The following C19orf38 variants were observed in gnomAD, a reference collection of about 807,000 sequenced individuals.
The protein encoded by C19orf38 is chromosome 19 open reading frame 38.
Under a neutral mutation model 26.6 loss-of-function variants are expected in C19orf38, and 14 were observed. That is an observed-to-expected ratio of 0.53 (90% CI 0.35 to 0.82). The LOEUF (loss-of-function observed/expected upper bound fraction) is 0.82. Ranked by LOEUF, C19orf38 falls within the 40% of genes least tolerant of loss-of-function variation. The pLI, the probability that C19orf38 is intolerant of heterozygous loss-of-function variation, is 0.01. For synonymous variants in C19orf38, 132 were observed against 128.5 expected (o/e 1.03, Z -0.18); for missense variants, 261 against 299.5 (o/e 0.87, Z 0.95).
At chr19:10,844,993 C>CAAAAA (rs57500129), upstream of C19orf38, among the ~76,000 whole-genome samples, 12 of 95,828 alleles carry the variant, frequency 1.3e-4, no homozygotes, top group East Asian at 2.9e-4. Flanking sequence ...CCTTTCTCTA[C>CAAAAA]AAAAAAAAAA....
At chr19:10,853,486 A>G (rs573237468) in intron 2 of C19orf38, among the ~76,000 whole-genome samples, 11 of 149,488 alleles carry the variant, frequency 7.4e-5, no homozygotes, top group South Asian at 2.1e-4. Flanking sequence ...GGGTTTCACA[A>G]TGCTGGCCAG....
upstream of C19orf38, among the ~76,000 whole-genome samples, chr19:10,847,404 A>C (rs2073526705): frequency 8.3e-6 from 1 of 119,970 alleles, no homozygotes. Context: ...ATGGAATTTC[A>C]CTCTTGTTGC....
chr19:10,847,501 G>A (rs971542992), upstream of C19orf38, among the ~76,000 whole-genome samples: 4 of 151,360 alleles, frequency 2.6e-5, no homozygotes, highest in Admixed American at 1.3e-4. Flanking sequence ...AGCCTCCCGA[G>A]TAGCTGGGAT....
chr19:10,864,595 G>A (rs2073734421), intron 6 of C19orf38, among the ~76,000 whole-genome samples: 1 of 152,182 alleles, frequency 6.6e-6, no homozygotes, highest in Non-Finnish European at 1.5e-5. Context: ...GCCCTCTGGT[G>A]GCTTCTGCAG....
rs569344452 is a variant in C19orf38, at chr19:10,864,339, G to A, written c.543+1132G>A. 9.9e-5 allele frequency among the ~76,000 whole-genome samples: 15 copies of A among 152,188 alleles called. No homozygotes were observed. In the East Asian group the frequency reaches 2.5e-3, roughly 25 times the overall value. ...CAGGTGTGAGCCACCATGCTGGCTG[G>A]CTGCGGAAGCTGCTTTAGACAGGAG... On this transcript the variant is annotated intron_variant, in intron 6 of 6. Transcript: ENST00000397820.
rs1221027780 is a variant in C19orf38 at position 10,859,384 on chromosome 19, ATTTTTT to A, written c.462-519_462-514del. The stretch of plus-strand genomic sequence containing the variant: ...TATATATATATATATATATATATAT[ATTTTTT>A]TTTTTTTTTTTAGACGGAGTCTCAC... On this transcript the variant is annotated intron_variant, in intron 4 of 6. Coordinates refer to ENST00000397820, the MANE Select transcript of C19orf38 (RefSeq NM_001136482.3). 4.1e-3 allele frequency among the ~76,000 whole-genome samples: 87 copies of A among 21,038 alleles called. 1 individual carries two copies. Among genetic ancestry groups the A allele is most frequent in the African/African-American group, 0.013 (77 of 5,934 alleles). The allele number at this position is 21,038 out of a possible 152,430, so 13.8% of individuals were successfully genotyped here. A position where few individuals can be genotyped will look rare whatever the true frequency, so the allele number is the denominator to read the frequency against.
upstream of C19orf38, among the ~76,000 whole-genome samples, chr19:10,843,887 C>T (rs191751640): frequency 1.1e-3 from 172 of 152,164 alleles, no homozygotes; most frequent in Middle Eastern, 6.8e-3. Context: ...GGGAGGTGGG[C>T]GGATCATTCG....
intron 3 of C19orf38, among the ~76,000 whole-genome samples, chr19:10,857,683 C>T (rs888600032): frequency 6.6e-6 from 1 of 151,428 alleles, no homozygotes; most frequent in Admixed American, 6.6e-5. Context: ...GAGTTTGAGA[C>T]CAGCCTGGGC....
At position 10,867,630 on chromosome 19, in the gene C19orf38, G is replaced by A. The variant is rs371104908; in HGVS notation, c.544-1588G>A. ...GAAACTCCATCTCAGAAAAAAAAAA[G>A]GAAGAACATTCTTTTTTTTTTTTTT... is the stretch of plus-strand genomic sequence containing the variant. On this transcript the variant is annotated intron_variant, in intron 6 of 6. Coordinates refer to ENST00000397820, the MANE Select transcript of C19orf38 (RefSeq NM_001136482.3). Among the ~76,000 whole-genome samples, 594 of 133,990 alleles carry A rather than the reference G, an allele frequency of 4.4e-3. 6 individuals are homozygous for A. The highest frequency in any genetic ancestry group is 0.014 in the African/African-American group (515 of 37,460). The allele number at this position is 133,990 out of a possible 152,430, so 87.9% of individuals were successfully genotyped here. A position where few individuals can be genotyped will look rare whatever the true frequency, so the allele number is the denominator to read the frequency against.
Position 10,859,374 on chromosome 19 carries a change from ATATATATATATTTTT to A in C19orf38, c.462-539_462-525del, listed in dbSNP as rs1241064054. Among the ~76,000 whole-genome samples, 311 of 39,958 alleles carry A rather than the reference ATATATATATATTTTT, an allele frequency of 7.8e-3. 5 individuals are homozygous for A. The highest frequency in any genetic ancestry group is 0.032 in the African/African-American group (293 of 9,270). 26.2% of individuals were successfully genotyped at this position (39,958 alleles called of 152,430 possible). On this transcript the variant is annotated intron_variant, in intron 4 of 6. Coordinates refer to ENST00000397820, the MANE Select transcript of C19orf38 (RefSeq NM_001136482.3). ...TATATATATATATATATATATATAT[ATATATATATATTTTT>A]TTTTTTTTTTTTAGACGGAGTCTCA... is the stretch of plus-strand genomic sequence containing the variant.
rs753655601 is a variant in C19orf38 at position 10,850,338 on chromosome 19, A to G, written c.111A>G (p.Ala37=). 1.4e-5 allele frequency: 21 copies of G among 1,551,184 alleles called. No individual in the cohort carries two copies. The East Asian group carries it at 4.9e-4, about 36-fold the overall frequency. The part of the protein sequence containing the change: ...PSSQEDPIHI[A]CMAPGNFPGA... ...GCCAAGAGGACCCCATCCACATCGCATGCATGGCCCCTGGGAACTTCCCGG... is the reference window on the plus strand; with the variant it reads ...GCCAAGAGGACCCCATCCACATCGCGTGCATGGCCCCTGGGAACTTCCCGG... The change falls in exon 2 of 7, where the codon GCA becomes GCG. Residue 37 remains alanine (A), a synonymous_variant. Transcript: ENST00000397820.
chr19:10,868,394 A>G (rs538695841), intron 6 of C19orf38, among the ~76,000 whole-genome samples: 64 of 152,330 alleles, frequency 4.2e-4, no homozygotes, highest in Non-Finnish European at 6.0e-4. Context: ...TAGCAAATTC[A>G]TCTCTCTTTA....
intron 4 of C19orf38, among the ~76,000 whole-genome samples, chr19:10,859,348 G>GTATATATATATA (rs1164393634): frequency 3.6e-5 from 2 of 55,946 alleles, no homozygotes; most frequent in Non-Finnish European, 6.1e-5. Context: ...GTGTGTGTGT[G>GTATATATATATA]TATATATATA....
intron 2 of C19orf38, among the ~76,000 whole-genome samples, chr19:10,852,255 A>G (rs575462174): frequency 2.0e-5 from 3 of 152,248 alleles, no homozygotes; most frequent in Admixed American, 1.3e-4. Context: ...GTGAGTCACC[A>G]TGCCCAGCAT....
intron 1 of C19orf38, among the ~76,000 whole-genome samples, chr19:10,842,877 C>G (rs1352764422): frequency 6.6e-6 from 1 of 152,224 alleles, no homozygotes; most frequent in African/African-American, 2.4e-5. Flanking sequence ...TGGAGGCACC[C>G]TGCCCACTCA....
chr19:10,850,388 G>C lies in C19orf38; in HGVS notation c.161G>C (p.Gly54Ala), dbSNP rs1411749260. Reference sequence around the variant, plus strand: ...GGGGCGAATTTCACACTGTATCGAGGGGGGCAGGTGGTCCAGCTCCTGCAG... The same window carrying C: ...GGGGCGAATTTCACACTGTATCGAGCGGGGCAGGTGGTCCAGCTCCTGCAG... ...FPGANFTLYR[G>A]GQVVQLLQAP... Residue 54 changes from glycine to alanine, a missense_variant, in exon 2 of 7, where the codon GGG (glycine) becomes GCG (alanine). Gly to Ala is a moderately conservative substitution (Grantham distance 60). Transcript: ENST00000397820. 2 of 1,550,940 alleles carry C rather than the reference G, an allele frequency of 1.3e-6. No homozygotes were observed. Among genetic ancestry groups the C allele is most frequent in the Middle Eastern group, 1.7e-4 (1 of 5,978 alleles).
In C19orf38 at chr19:10,867,813, C is replaced by T. The variant is rs539254395; in HGVS notation, c.544-1405C>T. Among the ~76,000 whole-genome samples the T allele has an allele frequency of 4.6e-5, 7 of 151,244 alleles. No individual in the cohort carries two copies. In the East Asian group the frequency reaches 1.2e-3, roughly 26 times the overall value. Reference sequence around the variant, plus strand: ...GATTACAGGCGCCTGCCACCATGCCCGGCTAATTTTTGTAGTTTTAGTAGA... The same window carrying T: ...GATTACAGGCGCCTGCCACCATGCCTGGCTAATTTTTGTAGTTTTAGTAGA... On this transcript the variant is annotated intron_variant, in intron 6 of 6. Transcript: ENST00000397820.
intron 5 of C19orf38, among the ~76,000 whole-genome samples, chr19:10,862,192 G>A (rs1027565350): frequency 7.4e-5 from 11 of 147,956 alleles, no homozygotes; most frequent in African/African-American, 2.5e-4. Flanking sequence ...GAGCCACCGC[G>A]CCCAGCCTGT....
At chr19:10,848,671 A>T in intron 1 of C19orf38, 132 bp downstream of exon 1, 1 of 796,070 alleles carries the variant, frequency 1.3e-6, no homozygotes, top group Non-Finnish European at 2.0e-6. Context: ...AGCCCTTGGC[A>T]GATGGGTTTT....
Sources: allele counts gnomAD v4.1 joint callset (sites outside exome capture counted in the v4.1 genomes callset), GRCh38; gene constraint gnomAD v4.1.1; transcripts MANE v1.5; gene names NCBI Gene and HGNC (gene_info 2026-07-23, HGNC 2026-07-21).